The following CDH8 variants were observed in gnomAD, a reference collection of about 807,000 sequenced individuals.
CDH8 encodes cadherin-8.
A neutral mutation model predicts 68.1 loss-of-function variants in CDH8; 17 were observed. The ratio of observed to expected loss-of-function variants is 0.25; its 90% CI spans 0.17 to 0.37. The LOEUF is 0.37. Among genes scored for constraint, CDH8 ranks in the 10% least tolerant of loss-of-function variants. The pLI is 1.00. For missense variants in CDH8, 763 were observed against 999.3 expected, an observed-to-expected ratio of 0.76 and a Z score of 3.19; for synonymous variants, 372 against 365.1, an observed-to-expected ratio of 1.02 and a Z score of -0.21.
intron 4 of CDH8, among the ~76,000 whole-genome samples, chr16:61,852,845 G>A (rs1346559595): frequency 7.4e-6 from 1 of 134,558 alleles, no homozygotes; most frequent in Non-Finnish European, 1.6e-5. Context: ...AGCTCTCCCT[G>A]ACTCTGCCCT....
At chr16:62,010,335 A>C (rs931026411) in intron 2 of CDH8, among the ~76,000 whole-genome samples, 4 of 152,158 alleles carry the variant, frequency 2.6e-5, no homozygotes, top group Admixed American at 2.6e-4. Context: ...ACAGCCTAGC[A>C]CACTGTGCAC....
intron 10 of CDH8, among the ~76,000 whole-genome samples, chr16:61,706,866 C>T (rs2142858983): frequency 6.6e-6 from 1 of 152,270 alleles, no homozygotes; most frequent in Non-Finnish European, 1.5e-5. Flanking sequence ...CATTCTGTCA[C>T]TCTTAAATAT....
chr16:61,883,576 T>C (rs1048431561), intron 3 of CDH8, among the ~76,000 whole-genome samples: 10 of 151,900 alleles, frequency 6.6e-5, no homozygotes, highest in African/African-American at 1.5e-4. Context: ...ATAAAGTTTC[T>C]TTTTTAAATC....
intron 2 of CDH8, among the ~76,000 whole-genome samples, chr16:61,922,882 G>A (rs1235384960): frequency 6.6e-6 from 1 of 152,054 alleles, no homozygotes; most frequent in Non-Finnish European, 1.5e-5. Context: ...TATTCTTATT[G>A]AGAATAGATG....
intron 3 of CDH8, among the ~76,000 whole-genome samples, chr16:61,890,406 C>G (rs1366083866): frequency 6.6e-6 from 1 of 152,114 alleles, no homozygotes; most frequent in Non-Finnish European, 1.5e-5. Context: ...CAAGATACAT[C>G]ATCAGTGTTG....
chr16:61,670,830 CAA>C (rs1479093245), intron 10 of CDH8, among the ~76,000 whole-genome samples: 1 of 151,888 alleles, frequency 6.6e-6, no homozygotes, highest in African/African-American at 2.4e-5. Context: ...ACAAGCTTGA[CAA>C]AGAGATAATT....
chr16:61,985,971 T>G (rs1965620431), intron 2 of CDH8, among the ~76,000 whole-genome samples: 1 of 139,666 alleles, frequency 7.2e-6, no homozygotes, highest in South Asian at 2.4e-4. Context: ...TCACCCAGAC[T>G]GGAGTGCAGT....
intron 2 of CDH8, among the ~76,000 whole-genome samples, chr16:61,944,793 T>C (rs897678183): frequency 1.3e-5 from 2 of 152,116 alleles, no homozygotes; most frequent in Non-Finnish European, 2.9e-5. Flanking sequence ...AATAAATAAA[T>C]AAGACCAATG....
rs115686083 is a variant in CDH8 at position 61,704,913 on chromosome 16, C to T, written c.1654+8928G>A. Among the ~76,000 whole-genome samples the T allele has an allele frequency of 7.3e-3, 1,111 of 152,158 alleles. 17 individuals are homozygous for T. Among genetic ancestry groups the T allele is most frequent in the African/African-American group, 0.026 (1,069 of 41,520 alleles). ...ATGGAACTAGCAATGACTGTCTGGC[C>T]AAGCAAAAGAATGAAATTCAGGGAA... On this transcript the variant is annotated intron_variant, in intron 10 of 11. Coordinates refer to ENST00000577390, the MANE Select transcript of CDH8 (RefSeq NM_001796.5).
intron 10 of CDH8, among the ~76,000 whole-genome samples, chr16:61,696,472 A>T (rs1964329301): frequency 6.6e-6 from 1 of 152,206 alleles, no homozygotes. Flanking sequence ...GATGCTGGCG[A>T]GGATGCAGAG....
At chr16:61,958,425 A>C (rs897954228) in intron 2 of CDH8, among the ~76,000 whole-genome samples, 1 of 152,216 alleles carries the variant, frequency 6.6e-6, no homozygotes, top group African/African-American at 2.4e-5. Flanking sequence ...ATATTGTCAC[A>C]TTCATCCATA....
At chr16:61,782,359 C>G (rs986816679) in intron 8 of CDH8, among the ~76,000 whole-genome samples, 2 of 152,120 alleles carry the variant, frequency 1.3e-5, no homozygotes, top group Non-Finnish European at 2.9e-5. Flanking sequence ...TCACTCCAAC[C>G]CGAATATTGC....
At chr16:61,754,754 TA>T (rs538621655) in intron 8 of CDH8, among the ~76,000 whole-genome samples, 69 of 152,328 alleles carry the variant, frequency 4.5e-4, no homozygotes, top group African/African-American at 1.5e-3. Context: ...TCTAACTGCA[TA>T]TTTTTTTAAT....
intron 3 of CDH8, among the ~76,000 whole-genome samples, chr16:61,893,976 A>C (rs1963825902): frequency 6.6e-6 from 1 of 152,168 alleles, no homozygotes; most frequent in Non-Finnish European, 1.5e-5. Flanking sequence ...AGAAACTTCA[A>C]TGGATGTTAA....
At chr16:61,673,127 CTG>C (rs928058264) in intron 10 of CDH8, among the ~76,000 whole-genome samples, 33 of 152,240 alleles carry the variant, frequency 2.2e-4, no homozygotes, top group Non-Finnish European at 2.2e-4. Flanking sequence ...CAGCATTAGA[CTG>C]TGTATACAGT....
intron 4 of CDH8, among the ~76,000 whole-genome samples, chr16:61,854,395 C>T (rs1045873100): frequency 6.6e-6 from 1 of 151,944 alleles, no homozygotes; most frequent in South Asian, 2.1e-4. Flanking sequence ...AATGTTTGCT[C>T]CAGGGGTCCC....
chr16:61,714,019 A>G, intron 9 of CDH8, 61 bp from the exon 10 acceptor site: 2 of 983,284 alleles, frequency 2.0e-6, no homozygotes, highest in South Asian at 2.6e-5. Context: ...GCCATCGGTA[A>G]AAGCTTAGTG....
chr16:61,942,560 A>T (rs1373830551), intron 2 of CDH8, among the ~76,000 whole-genome samples: 1 of 152,132 alleles, frequency 6.6e-6, no homozygotes, highest in Non-Finnish European at 1.5e-5. Flanking sequence ...TAAGCTCATT[A>T]TCTTGATTCA....
At chr16:61,837,486 AT>A (rs1207845789) in intron 4 of CDH8, among the ~76,000 whole-genome samples, 1 of 152,076 alleles carries the variant, frequency 6.6e-6, no homozygotes, top group Non-Finnish European at 1.5e-5. Flanking sequence ...TCATCATTCC[AT>A]AAGTGTTTAT....
Sources: allele counts gnomAD v4.1 joint callset (sites outside exome capture counted in the v4.1 genomes callset), GRCh38; gene constraint gnomAD v4.1.1; transcripts MANE v1.5; gene names NCBI Gene and HGNC (gene_info 2026-07-23, HGNC 2026-07-21).